Variants in TPRG1 observed in about 807,000 individuals in gnomAD.
The protein encoded by TPRG1 is tumor protein p63 regulated 1, also known as tumor protein p63-regulated gene 1 protein.
Under a neutral mutation model 29.3 loss-of-function variants are expected in TPRG1, and 29 were observed. That is an observed-to-expected ratio of 0.99 (90% CI 0.74 to 1.35). TPRG1 has a LOEUF of 1.35. TPRG1 is among the 40% of genes most tolerant of loss of function. TPRG1 has a pLI of 0.00. For missense variants in TPRG1, 327 were observed against 335.0 expected (o/e 0.98, Z 0.19); for synonymous variants, 130 against 116.8 (o/e 1.11, Z -0.73).
intron 3 of TPRG1, among the ~76,000 whole-genome samples, chr3:189,019,442 G>C (rs1713160755): frequency 6.6e-6 from 1 of 152,270 alleles, no homozygotes; most frequent in East Asian, 1.9e-4. Context: ...TTAGCATGAA[G>C]AGTTGTTGAA....
chr3:189,181,979 C>A (rs1730290414), intron 1 of TPRG1, among the ~76,000 whole-genome samples: 1 of 152,142 alleles, frequency 6.6e-6, no homozygotes, highest in South Asian at 2.1e-4. Context: ...TGGCAGCAGA[C>A]AAAGAAAGAG....
Position 189,322,694 on chromosome 3 carries a change from A to G in TPRG1, c.*1874A>G, listed in dbSNP as rs1380803834. Reference sequence around the variant, plus strand: ...CATTCTTTTGAGTTACCATTTAAGGATCAGCCTGACAATCGACTTCTCTCT... The same window carrying G: ...CATTCTTTTGAGTTACCATTTAAGGGTCAGCCTGACAATCGACTTCTCTCT... On this transcript the variant is annotated 3_prime_UTR_variant, in exon 6 of 6. Transcript: ENST00000345063. 1 of 152,564 alleles carries G rather than the reference A, an allele frequency of 6.6e-6. No homozygotes were observed. The highest frequency in any genetic ancestry group is 1.5e-5 in the Non-Finnish European group (1 of 68,042). 9.5% of individuals were successfully genotyped at this position (152,564 alleles called of 1,614,324 possible). A position where few individuals can be genotyped will look rare whatever the true frequency, so the allele number is the denominator to read the frequency against.
chr3:189,243,640 G>C (rs891425887), intron 4 of TPRG1, among the ~76,000 whole-genome samples: 1 of 151,566 alleles, frequency 6.6e-6, no homozygotes, highest in African/African-American at 2.4e-5. Context: ...TCATTTCTTT[G>C]CTCATATGTA....
chr3:189,223,369 C>T (rs1737223464), intron 3 of TPRG1, among the ~76,000 whole-genome samples: 1 of 152,192 alleles, frequency 6.6e-6, no homozygotes. Flanking sequence ...TGTTAATGAC[C>T]TGTGGCAGGA....
intron 1 of TPRG1, among the ~76,000 whole-genome samples, chr3:189,186,373 C>T (rs958117823): frequency 6.6e-6 from 1 of 152,144 alleles, no homozygotes; most frequent in African/African-American, 2.4e-5. Context: ...GAGGGAACAG[C>T]TAATGAAACC....
intron 4 of TPRG1, among the ~76,000 whole-genome samples, chr3:189,025,943 G>A (rs759117166): frequency 1.3e-4 from 20 of 152,150 alleles, no homozygotes; most frequent in Admixed American, 1.3e-3. Context: ...GTTATTAATC[G>A]TGACTTTTTT....
At chr3:189,172,986 C>A (rs551841912) in intron 1 of TPRG1, among the ~76,000 whole-genome samples, 142 of 152,290 alleles carry the variant, frequency 9.3e-4, no homozygotes, top group African/African-American at 3.2e-3. Flanking sequence ...AAAACACCCC[C>A]AAATCCTTTC....
chr3:189,193,497 GT>G (rs1218650408), intron 1 of TPRG1, among the ~76,000 whole-genome samples: 1 of 151,904 alleles, frequency 6.6e-6, no homozygotes, highest in Non-Finnish European at 1.5e-5. Flanking sequence ...TATTAGATAG[GT>G]TTTCCATACA....
At chr3:189,174,401 C>T (rs1467588193) in intron 1 of TPRG1, among the ~76,000 whole-genome samples, 1 of 152,182 alleles carries the variant, frequency 6.6e-6, no homozygotes, top group African/African-American at 2.4e-5. Flanking sequence ...GGCCGGGCAG[C>T]AACTTCTTCC....
At chr3:189,046,548 G>A (rs941374670) in intron 4 of TPRG1, among the ~76,000 whole-genome samples, 1 of 152,150 alleles carries the variant, frequency 6.6e-6, no homozygotes, top group Non-Finnish European at 1.5e-5. Context: ...AAAGGGGAAT[G>A]ATTCATCTGA....
chr3:189,055,289 C>T (rs1342349109), intron 4 of TPRG1, among the ~76,000 whole-genome samples: 1 of 152,116 alleles, frequency 6.6e-6, no homozygotes, highest in Admixed American at 6.5e-5. Flanking sequence ...GGTTTTGATC[C>T]TCAGAAGCAG....
At chr3:189,082,018 C>A (rs1056022638) in intron 4 of TPRG1, among the ~76,000 whole-genome samples, 2 of 152,146 alleles carry the variant, frequency 1.3e-5, no homozygotes, top group African/African-American at 2.4e-5. Context: ...AAGCCATCTA[C>A]CTGGCTTCAG....
At chr3:189,084,867 G>A (rs1220480900) in intron 4 of TPRG1, among the ~76,000 whole-genome samples, 1 of 152,166 alleles carries the variant, frequency 6.6e-6, no homozygotes, top group Non-Finnish European at 1.5e-5. Context: ...AATGTTTCAG[G>A]AGAGACTTCG....
chr3:189,127,726 C>CA (rs1408694440), intron 2 of TPRG1, among the ~76,000 whole-genome samples: 1 of 152,126 alleles, frequency 6.6e-6, no homozygotes, highest in Admixed American at 6.5e-5. Context: ...GAGGTAAACT[C>CA]ACAAAAGAGA....
chr3:189,309,559 A>G (rs2109308819), intron 4 of TPRG1, among the ~76,000 whole-genome samples: 1 of 152,310 alleles, frequency 6.6e-6, no homozygotes, highest in East Asian at 1.9e-4. Flanking sequence ...GATACCTGAA[A>G]CCACAAATCA....
At chr3:189,067,230 A>T (rs1305724729) in intron 4 of TPRG1, among the ~76,000 whole-genome samples, 1 of 152,214 alleles carries the variant, frequency 6.6e-6, no homozygotes, top group African/African-American at 2.4e-5. Context: ...CAATATTGTT[A>T]TAATGTTCAT....
chr3:189,294,920 G>C (rs1316487819), intron 4 of TPRG1, among the ~76,000 whole-genome samples: 2 of 152,062 alleles, frequency 1.3e-5, no homozygotes, highest in African/African-American at 4.8e-5. Context: ...TGTTACATAT[G>C]TATACATGTG....
intron 4 of TPRG1, among the ~76,000 whole-genome samples, chr3:189,243,058 A>T (rs1740866122): frequency 6.6e-6 from 1 of 152,130 alleles, no homozygotes; most frequent in South Asian, 2.1e-4. Context: ...TCTCATTGGT[A>T]TAAAGAAATA....
chr3:189,114,172 T>C (rs2108493777), intron 1 of TPRG1, among the ~76,000 whole-genome samples: 1 of 152,266 alleles, frequency 6.6e-6, no homozygotes, highest in African/African-American at 2.4e-5. Flanking sequence ...TGAATGCAAC[T>C]CCAGTGTCTC....
Sources: allele counts gnomAD v4.1 joint callset (sites outside exome capture counted in the v4.1 genomes callset), GRCh38; gene constraint gnomAD v4.1.1; transcripts MANE v1.5; gene names NCBI Gene and HGNC (gene_info 2026-07-23, HGNC 2026-07-21).